PKN3: variants seen among roughly 807,000 people sequenced by gnomAD.
PKN3 encodes the protein protein kinase N3.
PKN3 carries 91 observed loss-of-function variants against 113.1 expected under a neutral mutation model. That is an observed-to-expected ratio of 0.80 (90% CI 0.68 to 0.96). The LOEUF (loss-of-function observed/expected upper bound fraction) is 0.96. PKN3 is among the 40% of genes least tolerant of loss of function. The probability of loss-of-function intolerance (pLI) is 0.00; values close to 1 mark genes in which losing one functional copy is unlikely to be tolerated. For missense variants in PKN3, 1,052 were observed against 1,202.2 expected (o/e 0.88, Z 1.85); for synonymous variants, 467 against 499.0 (o/e 0.94, Z 0.85).
chr9:128,719,837 T>C lies in PKN3; in HGVS notation c.2268+9T>C, dbSNP rs1420512810. The C allele has an allele frequency of 1.3e-6, 2 of 1,552,786 alleles. No homozygotes were observed. On this transcript the variant is annotated intron_variant, in intron 19 of 21. Coordinates refer to ENST00000291906, the MANE Select transcript of PKN3 (RefSeq NM_013355.5). ...AGATGCTGGTGGGTGAGGTGAGTGC[T>C]GGAGCCTGTTTCCTGGGCCTCTGGG...
chr9:128,703,374 G>A, intron 1 of PKN3: 1 of 985,458 alleles, frequency 1.0e-6, no homozygotes, highest in African/African-American at 1.7e-5. Flanking sequence ...GTGCGCGCTT[G>A]GCAGTGGCAG....
In PKN3 at chr9:128,714,199, CAGGACTTCCTG is replaced by C. The variant is rs1342108597; in HGVS notation, c.1319_1329del (p.Asp440GlyfsTer32). ...CTAAGCTCCCCCTTTTCTCCCAGGC[CAGGACTTCCTG>C]AGGGCTTCGCAGATGAACCTCGGCA... On this transcript the variant is annotated frameshift_variant, in exon 11 of 22. Coordinates refer to ENST00000291906, the MANE Select transcript of PKN3 (RefSeq NM_013355.5). LOFTEE classifies it high-confidence loss of function. 36 of 1,613,886 alleles carry C rather than the reference CAGGACTTCCTG, an allele frequency of 2.2e-5. No homozygotes were observed. The highest frequency in any genetic ancestry group is 2.6e-5 in the Non-Finnish European group (31 of 1,179,970).
In PKN3 at chr9:128,718,328, C is replaced by G. The variant is rs529311654; in HGVS notation, c.1989C>G (p.Phe663Leu). Residue 663 changes from phenylalanine to leucine, a missense_variant, in exon 17 of 22, where the codon TTC becomes TTG. Around this residue, in one of 2 missense-constraint regions of PKN3, gnomAD observed 333 missense variants for 442.8 expected, o/e 0.75. Coordinates refer to ENST00000291906, the MANE Select transcript of PKN3 (RefSeq NM_013355.5). ...EDVFPEPQAR[F>L]YVACVVLGLQ... ...TCTCCCATAACCACCCCTGCAGCTT[C>G]TACGTGGCTTGTGTTGTCCTGGGGC... The G allele has an allele frequency of 5.6e-6, 9 of 1,613,770 alleles. No homozygotes were observed. The African/African-American group carries it at 1.2e-4, about 22-fold the overall frequency.
rs750579301 is a variant in PKN3, at chr9:128,707,368, G to A, written c.798G>A (p.Gln266=). ...GGGCTGCGGTGCCTGGATACCCCCAGCCTTCAGGGACACCTGTGAAGCCCA... is the reference window on the plus strand; with the variant it reads ...GGGCTGCGGTGCCTGGATACCCCCAACCTTCAGGGACACCTGTGAAGCCCA... ...ELRAAVPGYP[Q]PSGTPVKPTA... Residue 266 remains glutamine (Q), a synonymous_variant, in exon 6 of 22, where the codon CAG becomes CAA. Transcript: ENST00000291906. The A allele has an allele frequency of 6.2e-7, 1 of 1,612,722 alleles. No individual in the cohort carries two copies. The highest frequency in any genetic ancestry group is 1.3e-5 in the African/African-American group (1 of 74,922).
Position 128,716,747 on chromosome 9 carries a change from C to T in PKN3, c.1809C>T (p.Ser603=). The T allele has an allele frequency of 1.2e-6, 2 of 1,613,450 alleles. No individual in the cohort carries two copies. The highest frequency in any genetic ancestry group is 1.1e-5 in the South Asian group (1 of 91,034). ...CTAATACTCTTGCTCTCTCCTGTAG[C>T]CTGTACTGCGAGAAGCGGATCCTGG... ...QEVLSRDEIE[S]LYCEKRILEA... is the part of the protein sequence containing the mutation. The change falls in exon 16 of 22, where the codon AGC becomes AGT. Residue 603 remains serine (S), a splice_region_variant and synonymous_variant. Transcript: ENST00000291906.
intron 1 of PKN3, chr9:128,703,531 G>A (rs2132276984): frequency 2.0e-6 from 2 of 985,446 alleles, no homozygotes; most frequent in East Asian, 1.1e-4. Context: ...GGCAGTAGGT[G>A]CGCGTGGGCC....
Position 128,720,250 on chromosome 9 carries a change from T to C in PKN3, c.2424T>C (p.Asp808=), listed in dbSNP as rs770939783. 6.2e-7 allele frequency: 1 copy of C among 1,613,922 alleles called. No homozygotes were observed. Among genetic ancestry groups the C allele is most frequent in the East Asian group, 2.2e-5 (1 of 44,856 alleles). ...PEKRLGAGEQ[D]AEEIKVQPFF... ...AGCGCCTCGGGGCAGGTGAGCAGGA[T>C]GCCGAGGAGATCAAGGTCCAGCCAT... The change falls in exon 21 of 22, where the codon GAT becomes GAC. Residue 808 remains aspartate, a synonymous_variant. Coordinates refer to ENST00000291906, the MANE Select transcript of PKN3 (RefSeq NM_013355.5). The surrounding 1 kb of genome is among the most constrained non-coding windows in gnomAD (Gnocchi z 5.5).
At position 128,715,473 on chromosome 9, in the gene PKN3, G is replaced by GC. The variant is rs1210512186; in HGVS notation, c.1808+15dup. Reference sequence around the variant, plus strand: ...ACGAGATAGAGAGGTGTGTGGGGGTGCCGCAGGGCACCCAGGATGGCTGGC... The same window carrying GC: ...ACGAGATAGAGAGGTGTGTGGGGGTGCCCGCAGGGCACCCAGGATGGCTGGC... On this transcript the variant is annotated intron_variant, in intron 15 of 21. Transcript: ENST00000291906. This position sits in a 1 kb window ranked among gnomAD's most constrained non-coding sequence, Gnocchi z 4.1. 1 of 1,605,262 alleles carries GC rather than the reference G, an allele frequency of 6.2e-7. No individual in the cohort carries two copies. Among genetic ancestry groups the GC allele is most frequent in the East Asian group, 2.2e-5 (1 of 44,844 alleles).
rs1862287028 is a variant in PKN3, at chr9:128,714,672, G to C, written c.1584+8G>C. Reference sequence around the variant, plus strand: ...ACATCCGAGGAGACTCCGGTGAGGGGCTGGAGGGACTAGTGGCTCCTAGGG... The same window carrying C: ...ACATCCGAGGAGACTCCGGTGAGGGCCTGGAGGGACTAGTGGCTCCTAGGG... On this transcript the variant is annotated splice_region_variant and intron_variant, in intron 12 of 21. Coordinates refer to ENST00000291906, the MANE Select transcript of PKN3 (RefSeq NM_013355.5). 1.4e-6 allele frequency: 2 copies of C among 1,398,430 alleles called. No homozygotes were observed. The highest frequency in any genetic ancestry group is 2.3e-5 in the East Asian group (1 of 43,910). 86.6% of individuals were successfully genotyped at this position (1,398,430 alleles called of 1,614,324 possible). A position where few individuals can be genotyped will look rare whatever the true frequency, so the allele number is the denominator to read the frequency against.
In PKN3 at chr9:128,719,732, G is replaced by T; in HGVS notation, c.2172G>T (p.Glu724Asp). The T allele has an allele frequency of 6.3e-7, 1 of 1,593,594 alleles. No homozygotes were observed. Among genetic ancestry groups the T allele is most frequent in the Non-Finnish European group, 8.6e-7 (1 of 1,168,950 alleles). ...DRTSTFCGTP[E>D]FLAPEVLTQE... The stretch of plus-strand genomic sequence containing the variant: ...CTAGCACCTTCTGTGGCACCCCGGA[G>T]TTCCTGGCTCCCGAGGTGCTGACCC... Residue 724 changes from glutamate (E) to aspartate (D), a missense_variant, in exon 19 of 22, where the codon GAG (glutamate) becomes GAT (aspartate). Physicochemically the swap from Glu to Asp is conservative, Grantham distance 45. This residue lies in a region of PKN3 where 333 missense variants were observed against 442.8 expected (regional missense o/e 0.75). Coordinates refer to ENST00000291906, the MANE Select transcript of PKN3 (RefSeq NM_013355.5).
intron 1 of PKN3, chr9:128,703,468 G>A (rs1861915857): frequency 1.0e-6 from 1 of 985,418 alleles, no homozygotes; most frequent in African/African-American, 1.7e-5. Context: ...GGGAACCTTT[G>A]GGTACATAGC....
At chr9:128,703,076 G>A in intron 1 of PKN3, 137 bp downstream of exon 1, 1 of 629,150 alleles carries the variant, frequency 1.6e-6, no homozygotes. Flanking sequence ...CCCTGGCCCC[G>A]GCCCCGCGAC....
At chr9:128,704,451 G>A (rs927236463) in intron 1 of PKN3, among the ~76,000 whole-genome samples, 5 of 152,110 alleles carry the variant, frequency 3.3e-5, no homozygotes, top group East Asian at 1.9e-4. Flanking sequence ...ACCCCTATTC[G>A]GCGTAGCTTT....
chr9:128,712,370 T>C (rs910974813), intron 6 of PKN3, among the ~76,000 whole-genome samples: 1 of 152,210 alleles, frequency 6.6e-6, no homozygotes, highest in African/African-American at 2.4e-5. Flanking sequence ...TTCTCTACCC[T>C]TTGAGGGACA....
intron 1 of PKN3, chr9:128,703,357 G>A (rs974318204): frequency 4.7e-5 from 46 of 984,860 alleles, no homozygotes; most frequent in Admixed American, 6.1e-5. Flanking sequence ...AGCGGGGGGC[G>A]CAGTCTGTGC....
chr9:128,702,975 G>C, intron 1 of PKN3, 36 bp downstream of exon 1: 1 of 1,347,814 alleles, frequency 7.4e-7, no homozygotes, highest in Non-Finnish European at 9.6e-7. Context: ...GGCCCGGGGG[G>C]TGCGAGAAAG....
intron 6 of PKN3, among the ~76,000 whole-genome samples, chr9:128,708,813 A>C (rs1191637008): frequency 6.7e-6 from 1 of 149,610 alleles, no homozygotes; most frequent in Admixed American, 6.8e-5. Context: ...GTTGCACTCC[A>C]GCGTGGGTGA....
chr9:128,714,811 C>T lies in PKN3; in HGVS notation c.1598C>T (p.Pro533Leu). The T allele has an allele frequency of 6.2e-7, 1 of 1,613,958 alleles. No individual in the cohort carries two copies. The highest frequency in any genetic ancestry group is 2.2e-5 in the East Asian group (1 of 44,876). The change falls in exon 13 of 22, where the codon CCC (proline) becomes CTC (leucine). Residue 533 changes from proline (P) to leucine (L), a missense_variant. Pro to Leu is a moderately conservative substitution (Grantham distance 98). Around this residue, in one of 2 missense-constraint regions of PKN3, gnomAD observed 719 missense variants for 759.4 expected, o/e 0.95. Transcript: ENST00000291906. ...TSEETPRTKR[P>L]HMEPRTRRGP... ...CTATACTCACAGCGCACCAAACGTCCCCATATGGAGCCTAGGACTCGACGT... is the reference window on the plus strand; with the variant it reads ...CTATACTCACAGCGCACCAAACGTCTCCATATGGAGCCTAGGACTCGACGT...
intron 3 of PKN3, 89 bp downstream of exon 3, chr9:128,705,968 C>T: frequency 5.2e-6 from 7 of 1,334,292 alleles, no homozygotes; most frequent in Non-Finnish European, 6.1e-6. Context: ...TAAGGAGACA[C>T]CATTCCAGCC....
Sources: allele counts gnomAD v4.1 joint callset (sites outside exome capture counted in the v4.1 genomes callset), GRCh38; gene constraint gnomAD v4.1.1; regional missense constraint gnomAD v4.1.1; non-coding constraint Gnocchi (gnomAD v3.1); transcripts MANE v1.5; gene names NCBI Gene and HGNC (gene_info 2026-07-23, HGNC 2026-07-21).